ROBO2: variants seen among roughly 807,000 people sequenced by gnomAD.
ROBO2 encodes roundabout homolog 2.
ROBO2 carries 53 observed loss-of-function variants against 160.8 expected under a neutral mutation model. That is an observed-to-expected ratio of 0.33 (90% CI 0.26 to 0.41). The LOEUF (loss-of-function observed/expected upper bound fraction) is 0.41. Ranked by LOEUF, ROBO2 falls within the 10% of genes least tolerant of loss-of-function variation. The pLI is 1.00. For synonymous variants in ROBO2, 664 were observed against 611.7 expected (o/e 1.09, Z -1.26); for missense variants, 1,577 against 1,722.4 (o/e 0.92, Z 1.49).
chr3:76,189,306 G>T lies in ROBO2; in HGVS notation c.109+251704G>T, dbSNP rs574534022. On this transcript the variant is annotated intron_variant, in intron 2 of 26. Transcript: ENST00000487694. ...AGTATTCAACACAATGGGAAAAAAA[G>T]GTGTTTTTATGAATTAAGTGAAGAA... Among the ~76,000 whole-genome samples the T allele has an allele frequency of 2.7e-4, 41 of 152,112 alleles. 2 individuals are homozygous for T. In the South Asian group the frequency reaches 8.5e-3, roughly 32 times the overall value.
intron 2 of ROBO2, among the ~76,000 whole-genome samples, chr3:76,603,332 C>CAAAAAAAAAAAAAA (rs61547121): frequency 1.5e-5 from 1 of 66,534 alleles, no homozygotes; most frequent in African/African-American, 8.2e-5. Flanking sequence ...ACTCCATCTC[C>CAAAAAAAAAAAAAA]AAAAAAAAAA....
intron 1 of ROBO2, among the ~76,000 whole-genome samples, chr3:75,929,344 T>G (rs980535030): frequency 6.6e-6 from 1 of 152,182 alleles, no homozygotes; most frequent in African/African-American, 2.4e-5. Context: ...TTCTATACTT[T>G]TGTGTTAAAT....
intron 4 of ROBO2, among the ~76,000 whole-genome samples, chr3:77,489,729 A>C (rs972948056): frequency 6.6e-6 from 1 of 152,232 alleles, no homozygotes; most frequent in South Asian, 2.1e-4. Flanking sequence ...CTGGTCTCAC[A>C]TATTGTTTTT....
At chr3:76,505,018 A>C (rs571319272) in intron 2 of ROBO2, among the ~76,000 whole-genome samples, 1 of 152,322 alleles carries the variant, frequency 6.6e-6, no homozygotes, top group African/African-American at 2.4e-5. Context: ...TGTATGTGGT[A>C]AATGAGCAGT....
intron 2 of ROBO2, among the ~76,000 whole-genome samples, chr3:75,990,867 A>T (rs1053515208): frequency 1.3e-5 from 2 of 152,178 alleles, no homozygotes; most frequent in African/African-American, 2.4e-5. Flanking sequence ...AGAGATTAGT[A>T]CTTGAATCAG....
chr3:77,045,488 A>G (rs1464489862), intron 1 of ROBO2, among the ~76,000 whole-genome samples: 4 of 152,212 alleles, frequency 2.6e-5, no homozygotes, highest in Non-Finnish European at 4.4e-5. Flanking sequence ...TGCTTGCATC[A>G]GTGCTTGACA....
intron 2 of ROBO2, among the ~76,000 whole-genome samples, chr3:76,325,119 C>T (rs1456407238): frequency 6.6e-6 from 1 of 152,156 alleles, no homozygotes; most frequent in Non-Finnish European, 1.5e-5. Flanking sequence ...CAAAAACAAA[C>T]AAACAAAACA....
At chr3:77,410,657 TTCTTCCTCCTCCTCTTCCTCCTCCTCC>T (rs2076683751) in intron 2 of ROBO2, among the ~76,000 whole-genome samples, 2 of 66,334 alleles carry the variant, frequency 3.0e-5, no homozygotes, top group African/African-American at 1.3e-4. Flanking sequence ...TCTCCTCCTC[TTCTTCCTCCTCCTCTTCCTCCTCCTCC>T]TCTTCCTCCT....
At chr3:76,344,418 T>C (rs1341662105) in intron 2 of ROBO2, among the ~76,000 whole-genome samples, 2 of 152,188 alleles carry the variant, frequency 1.3e-5, no homozygotes, top group Admixed American at 1.3e-4. Flanking sequence ...GGTGAAATTC[T>C]ACTTTTTTCA....
intron 2 of ROBO2, among the ~76,000 whole-genome samples, chr3:76,602,638 C>T (rs1375146852): frequency 6.6e-6 from 1 of 152,180 alleles, no homozygotes; most frequent in Non-Finnish European, 1.5e-5. Flanking sequence ...AGACCCGTCC[C>T]CATAGTTCAG....
chr3:76,123,733 T>G (rs1442695809), intron 2 of ROBO2, among the ~76,000 whole-genome samples: 3 of 152,148 alleles, frequency 2.0e-5, no homozygotes, highest in Non-Finnish European at 4.4e-5. Context: ...TTTTACTTCC[T>G]TTTTCTAATG....
At chr3:76,193,790 G>C (rs1702119233) in intron 2 of ROBO2, among the ~76,000 whole-genome samples, 2 of 152,196 alleles carry the variant, frequency 1.3e-5, no homozygotes, top group Admixed American at 1.3e-4. Flanking sequence ...CCTTTATTCA[G>C]ATTATTAATT....
In ROBO2 at chr3:76,045,330, T is replaced by G. The variant is rs533924996; in HGVS notation, c.109+107728T>G. Among the ~76,000 whole-genome samples, 118 of 152,134 alleles carry G rather than the reference T, an allele frequency of 7.8e-4. 1 individual carries two copies. Among genetic ancestry groups the G allele is most frequent in the Non-Finnish European group, 1.2e-4 (8 of 68,030 alleles). ...CTTATTTATTTTTATTGTTGTGTTTTACTACTTTCTCACATTCCACTGTGG... is the reference window on the plus strand; with the variant it reads ...CTTATTTATTTTTATTGTTGTGTTTGACTACTTTCTCACATTCCACTGTGG... On this transcript the variant is annotated intron_variant, in intron 2 of 26. Transcript: ENST00000487694.
chr3:76,798,933 A>C (rs1015054010), intron 2 of ROBO2, among the ~76,000 whole-genome samples: 3 of 151,862 alleles, frequency 2.0e-5, no homozygotes, highest in Non-Finnish European at 4.4e-5. Flanking sequence ...TGGATATAGC[A>C]GGAACATATC....
At chr3:76,380,009 A>G (rs531757740) in intron 2 of ROBO2, among the ~76,000 whole-genome samples, 1 of 151,328 alleles carries the variant, frequency 6.6e-6, no homozygotes, top group Non-Finnish European at 1.5e-5. Flanking sequence ...AGATAGTTGT[A>G]CCTTGTTTCT....
intron 7 of ROBO2, among the ~76,000 whole-genome samples, chr3:77,547,821 C>G (rs895999284): frequency 3.9e-5 from 6 of 152,040 alleles, no homozygotes; most frequent in African/African-American, 1.4e-4. Flanking sequence ...AATCTTCTTT[C>G]TAATTTAGTA....
intron 2 of ROBO2, 115 bp from the exon 3 acceptor site, chr3:77,477,299 A>G: frequency 1.9e-6 from 2 of 1,062,534 alleles, no homozygotes; most frequent in Non-Finnish European, 2.9e-6. Context: ...TTCTCAGTAA[A>G]AATCCAGGCA....
chr3:76,826,609 T>C (rs968787858), intron 2 of ROBO2, among the ~76,000 whole-genome samples: 3 of 152,114 alleles, frequency 2.0e-5, no homozygotes, highest in African/African-American at 7.2e-5. Context: ...CCTCCCATAC[T>C]GAGTGTTCTA....
intron 1 of ROBO2, among the ~76,000 whole-genome samples, chr3:77,058,257 C>T (rs947990513): frequency 2.0e-5 from 3 of 151,802 alleles, no homozygotes; most frequent in South Asian, 4.2e-4. Context: ...TGCCTTGAGA[C>T]AAAAAATGGA....
Sources: allele counts gnomAD v4.1 joint callset (sites outside exome capture counted in the v4.1 genomes callset), GRCh38; gene constraint gnomAD v4.1.1; transcripts MANE v1.5; gene names NCBI Gene and HGNC (gene_info 2026-07-23, HGNC 2026-07-21).